Variants in MARCHF3 observed in about 807,000 individuals in gnomAD.
MARCHF3 encodes the protein membrane associated ring-CH-type finger 3.
MARCHF3 carries 13 observed loss-of-function variants against 24.2 expected under a neutral mutation model. The observed-to-expected ratio is 0.54, with a 90% confidence interval of 0.35 to 0.85. MARCHF3 has a LOEUF of 0.85. Among genes scored for constraint, MARCHF3 ranks in the 40% least tolerant of loss-of-function variants. The pLI is 0.01. For missense variants in MARCHF3, 276 were observed against 325.0 expected, an observed-to-expected ratio of 0.85 and a Z score of 1.16; for synonymous variants, 144 against 137.3, an observed-to-expected ratio of 1.05 and a Z score of -0.34.
intron 1 of MARCHF3, among the ~76,000 whole-genome samples, chr5:127,028,235 C>A (rs562283590): frequency 1.3e-5 from 2 of 152,256 alleles, no homozygotes; most frequent in Admixed American, 1.3e-4. Context: ...ATGAACTATG[C>A]TTCTCAAAAA....
At chr5:126,909,785 G>T (rs1296421144) in intron 3 of MARCHF3, among the ~76,000 whole-genome samples, 3 of 152,140 alleles carry the variant, frequency 2.0e-5, no homozygotes, top group Admixed American at 2.0e-4. Context: ...CGTTGCTCAC[G>T]CTGGGAGCTG....
chr5:126,889,062 G>A (rs1259790375), intron 3 of MARCHF3, among the ~76,000 whole-genome samples: 1 of 152,166 alleles, frequency 6.6e-6, no homozygotes, highest in Non-Finnish European at 1.5e-5. Context: ...ACTGTGGCTG[G>A]CCCTGTATGG....
chr5:126,886,892 C>T (rs1455253494), intron 3 of MARCHF3, among the ~76,000 whole-genome samples: 1 of 152,142 alleles, frequency 6.6e-6, no homozygotes, highest in African/African-American at 2.4e-5. Context: ...CATTCCCCTT[C>T]CCCCTATATC....
At chr5:126,890,353 T>C (rs1580605157) in intron 3 of MARCHF3, among the ~76,000 whole-genome samples, 1 of 151,550 alleles carries the variant, frequency 6.6e-6, no homozygotes, top group East Asian at 1.9e-4. Context: ...TAGTTACATA[T>C]GTATACATGT....
intron 1 of MARCHF3, among the ~76,000 whole-genome samples, chr5:127,015,966 G>A (rs1752626975): frequency 1.3e-5 from 2 of 152,056 alleles, no homozygotes; most frequent in Admixed American, 6.6e-5. Flanking sequence ...TCACTTAGTA[G>A]CCCTCTGCAT....
At chr5:126,982,259 C>A (rs1043945343) in intron 1 of MARCHF3, among the ~76,000 whole-genome samples, 2 of 152,230 alleles carry the variant, frequency 1.3e-5, no homozygotes, top group Non-Finnish European at 2.9e-5. Context: ...CTGGCCTTGT[C>A]ACACAGCACA....
chr5:126,981,578 T>C (rs1751395707), intron 1 of MARCHF3, among the ~76,000 whole-genome samples: 1 of 152,252 alleles, frequency 6.6e-6, no homozygotes, highest in South Asian at 2.1e-4. Context: ...TTAATGTACT[T>C]TGCAAGGCTT....
At chr5:126,998,093 A>T (rs1031632484) in intron 1 of MARCHF3, among the ~76,000 whole-genome samples, 1 of 152,232 alleles carries the variant, frequency 6.6e-6, no homozygotes, top group Non-Finnish European at 1.5e-5. Context: ...GCAGGAAATA[A>T]TATATCTCAC....
chr5:126,920,382 C>A (rs1287035174), intron 1 of MARCHF3, among the ~76,000 whole-genome samples: 1 of 152,188 alleles, frequency 6.6e-6, no homozygotes, highest in Admixed American at 6.5e-5. Flanking sequence ...ATTTTAAATT[C>A]TCATAATGCT....
intron 3 of MARCHF3, among the ~76,000 whole-genome samples, chr5:126,892,127 T>C (rs1157054968): frequency 1.3e-5 from 2 of 150,756 alleles, no homozygotes; most frequent in African/African-American, 4.9e-5. Flanking sequence ...GTGATTTTTG[T>C]ACATTGATTT....
At chr5:126,922,104 C>T (rs879332533) in intron 1 of MARCHF3, among the ~76,000 whole-genome samples, 6 of 152,176 alleles carry the variant, frequency 3.9e-5, no homozygotes, top group Non-Finnish European at 5.9e-5. Flanking sequence ...GCTGGCATAA[C>T]GAGGATGCGG....
rs575641089 is a variant in MARCHF3, at chr5:126,982,522, C to T, written c.-57+47828G>A. On this transcript the variant is annotated intron_variant, in intron 1 of 4. Transcript: ENST00000308660. ...CTTCCCAAGGCAGTCTGGGCCCCAT[C>T]TGCAGAGAGTCTGACTTAATTATTT... Among the ~76,000 whole-genome samples, 53 of 152,308 alleles carry T rather than the reference C, an allele frequency of 3.5e-4. No individual in the cohort carries two copies. In the South Asian group the frequency reaches 0.011, roughly 31 times the overall value.
intron 1 of MARCHF3, among the ~76,000 whole-genome samples, chr5:126,954,221 T>C (rs950354001): frequency 4.8e-5 from 7 of 144,704 alleles, no homozygotes; most frequent in Non-Finnish European, 9.0e-5. Context: ...TTTTTTTTTT[T>C]TGTATTTTCA....
rs534679595 is a variant in MARCHF3, at chr5:126,964,792, T to A, written c.-56-46565A>T. 8.5e-5 allele frequency among the ~76,000 whole-genome samples: 13 copies of A among 152,252 alleles called. No homozygotes were observed. In the South Asian group the frequency reaches 1.5e-3, roughly 17 times the overall value. On this transcript the variant is annotated intron_variant, in intron 1 of 4. Transcript: ENST00000308660. ...TAGGATGTTTCAGTGTGAGACCAGC[T>A]GAACCAGCTGAAGCAGACAACAACA...
chr5:126,921,370 T>G (rs987545275), intron 1 of MARCHF3, among the ~76,000 whole-genome samples: 3 of 152,104 alleles, frequency 2.0e-5, no homozygotes, highest in African/African-American at 7.2e-5. Context: ...TCTGCCCTGA[T>G]CTCAGTGAAA....
intron 1 of MARCHF3, among the ~76,000 whole-genome samples, chr5:126,958,977 A>C (rs1277365768): frequency 6.6e-6 from 1 of 152,160 alleles, no homozygotes; most frequent in Admixed American, 6.6e-5. Flanking sequence ...TAAATGATTG[A>C]ATAAATAAAG....
intron 1 of MARCHF3, among the ~76,000 whole-genome samples, chr5:126,930,821 C>T (rs1267088686): frequency 6.6e-6 from 1 of 152,228 alleles, no homozygotes; most frequent in Admixed American, 6.5e-5. Flanking sequence ...GTCTCTGAGA[C>T]TGACAGCAAT....
intron 1 of MARCHF3, among the ~76,000 whole-genome samples, chr5:126,983,609 G>A (rs958673771): frequency 1.9e-4 from 29 of 152,170 alleles, no homozygotes; most frequent in African/African-American, 6.8e-4. Context: ...TTTACTCGGG[G>A]CCTCAAATCC....
chr5:126,988,825 A>C (rs1434687250), intron 1 of MARCHF3, among the ~76,000 whole-genome samples: 2 of 152,176 alleles, frequency 1.3e-5, no homozygotes, highest in African/African-American at 4.8e-5. Flanking sequence ...TGTCCTTGGA[A>C]GGGAACCATG....
Sources: gnomAD v4.1 joint callset for allele counts (sites outside exome capture counted in the v4.1 genomes callset) on GRCh38, gnomAD v4.1.1 for gene constraint, MANE v1.5 for transcripts, NCBI Gene and HGNC (gene_info 2026-07-23, HGNC 2026-07-21) for gene names.